ANK1: variants seen among roughly 807,000 people sequenced by gnomAD.
ANK1 encodes the protein ankyrin-1.
A neutral mutation model predicts 210.4 loss-of-function variants in ANK1; 51 were observed. The ratio of observed to expected loss-of-function variants is 0.24; its 90% CI spans 0.19 to 0.31. The LOEUF is 0.31. Among genes scored for constraint, ANK1 ranks in the 10% least tolerant of loss-of-function variants. The pLI is 1.00. For missense variants in ANK1, 2,051 were observed against 2,504.4 expected (o/e 0.82, Z 3.86); for synonymous variants, 967 against 1,025.9 (o/e 0.94, Z 1.10).
Position 41,693,937 on chromosome 8 carries a change from C to T in ANK1, c.3493G>A (p.Gly1165Arg). ...AGCAGGCGCAGGCTGGTGGTGTCTC[C>T]CTCCCCGCTGTCCCTCGGGTTGTCG... Reference protein sequence around the residue: ...WTDNPRDSGEGDTTSLRLLCS... With the variant: ...WTDNPRDSGERDTTSLRLLCS... The change falls in exon 29 of 43, where the codon GGA (glycine) becomes AGA (arginine). Residue 1165 changes from glycine to arginine, a missense_variant. Around this residue, in one of 6 missense-constraint regions of ANK1, gnomAD observed 1,413 missense variants for 1,707.4 expected, o/e 0.83. Transcript: ENST00000289734. The T allele has an allele frequency of 6.2e-7, 1 of 1,613,256 alleles. No individual in the cohort carries two copies. The highest frequency in any genetic ancestry group is 8.5e-7 in the Non-Finnish European group (1 of 1,179,766).
chr8:41,847,082 G>T (rs1297446531), intron 1 of ANK1, among the ~76,000 whole-genome samples: 3 of 152,188 alleles, frequency 2.0e-5, no homozygotes, highest in Non-Finnish European at 2.9e-5. Flanking sequence ...GATTTAGGCC[G>T]CAGAACAGAA....
intron 16 of ANK1, 91 bp downstream of exon 16, chr8:41,714,065 G>T: frequency 1.1e-6 from 1 of 921,010 alleles, no homozygotes; most frequent in Non-Finnish European, 1.5e-6. Flanking sequence ...CAAAACCCTT[G>T]GGCTGCTGTG....
intron 1 of ANK1, among the ~76,000 whole-genome samples, chr8:41,852,204 T>C (rs1811380521): frequency 6.6e-6 from 1 of 152,082 alleles, no homozygotes; most frequent in Non-Finnish European, 1.5e-5. Flanking sequence ...CGGCGATGCC[T>C]TGGGAAGGCA....
intron 1 of ANK1, among the ~76,000 whole-genome samples, chr8:41,819,117 C>T (rs544726249): frequency 6.6e-6 from 1 of 152,344 alleles, no homozygotes; most frequent in African/African-American, 2.4e-5. Context: ...ACTGTAAAAA[C>T]AGCAACCCTC....
Position 41,702,104 on chromosome 8 carries a change from T to A in ANK1, c.2336A>T (p.Tyr779Phe). 1.2e-6 allele frequency: 2 copies of A among 1,614,216 alleles called. No individual in the cohort carries two copies. Among genetic ancestry groups the A allele is most frequent in the African/African-American group, 1.3e-5 (1 of 75,066 alleles). ...TPLAIAKRLG[Y>F]ISVTDVLKVV... is the part of the protein sequence containing the mutation. ...CTTGAGCACGTCGGTGACAGAAATG[T>A]AGCCCAAGCGCTTGGCTATGGCCAG... Residue 779 changes from tyrosine (Y) to phenylalanine (F), a missense_variant, in exon 21 of 43, where the codon TAC becomes TTC. This residue lies in a region of ANK1 where 1,413 missense variants were observed against 1,707.4 expected (regional missense o/e 0.83). Coordinates refer to ENST00000289734, the MANE Select transcript of ANK1 (RefSeq NM_000037.4).
chr8:41,718,227 C>A (rs781751271), intron 10 of ANK1, 23 bp from the exon 11 acceptor site: 2 of 1,610,410 alleles, frequency 1.2e-6, no homozygotes, highest in Non-Finnish European at 1.7e-6. Flanking sequence ...CAAAGGGAGA[C>A]AGACAAGCAG....
intron 1 of ANK1, among the ~76,000 whole-genome samples, chr8:41,844,665 G>T (rs1421979893): frequency 6.6e-6 from 1 of 152,212 alleles, no homozygotes; most frequent in Non-Finnish European, 1.5e-5. Flanking sequence ...CTCTGAGTAC[G>T]GCTCTGCCTC....
intron 39 of ANK1, among the ~76,000 whole-genome samples, chr8:41,666,415 C>A (rs969779411): frequency 8.5e-5 from 13 of 152,214 alleles, no homozygotes; most frequent in African/African-American, 2.9e-4. Flanking sequence ...AAATGCCTCT[C>A]ACTCCACAAT....
At chr8:41,666,753 C>T (rs570270167) in intron 39 of ANK1, among the ~76,000 whole-genome samples, 3 of 152,256 alleles carry the variant, frequency 2.0e-5, no homozygotes, top group Non-Finnish European at 4.4e-5. Context: ...GCCCTCTGAT[C>T]GGCGTCTCCA....
Position 41,891,729 on chromosome 8 carries a change from G to A in ANK1, c.126+4626C>T, listed in dbSNP as rs753083642. 3.3e-5 allele frequency among the ~76,000 whole-genome samples: 5 copies of A among 152,180 alleles called. No individual in the cohort carries two copies. In the South Asian group the frequency reaches 6.2e-4, roughly 19 times the overall value. Reference sequence around the variant, plus strand: ...TCCCACATCTTCAGCCCCTGCCGGCGCCTCCCAGAGCTCCAGAGAGGCAGG... The same window carrying A: ...TCCCACATCTTCAGCCCCTGCCGGCACCTCCCAGAGCTCCAGAGAGGCAGG... On this transcript the variant is annotated intron_variant, in intron 1 of 42. Transcript: ENST00000265709.
chr8:41,891,607 A>C lies in ANK1; in HGVS notation c.126+4748T>G, dbSNP rs1819474275. Among the ~76,000 whole-genome samples, 2 of 152,228 alleles carry C rather than the reference A, an allele frequency of 1.3e-5. 1 individual carries two copies. Among genetic ancestry groups the C allele is most frequent in the African/African-American group, 4.8e-5 (2 of 41,458 alleles). ...TGGTCTAGCCTATGGCTGGGAAGTG[A>C]GGAGAGATCCTGGGAACAGCCCCCA... On this transcript the variant is annotated intron_variant, in intron 1 of 42. Transcript: ENST00000265709.
At position 41,725,907 on chromosome 8, in the gene ANK1, G is replaced by T; in HGVS notation, c.466C>A (p.His156Asn). Reference protein sequence around the residue: ...TPLAVALQQGHENVVAHLINY... With the variant: ...TPLAVALQQGNENVVAHLINY... ...ATGAGGTGCGCGACGACGTTCTCATGGCCCTGCTGCAGGGCTACCGCCAGA... is the reference window on the plus strand; with the variant it reads ...ATGAGGTGCGCGACGACGTTCTCATTGCCCTGCTGCAGGGCTACCGCCAGA... Residue 156 changes from histidine (H) to asparagine (N), a missense_variant, in exon 6 of 43, where the codon CAT (histidine) becomes AAT (asparagine). By Grantham distance (68) the His-to-Asn change is moderately conservative. This residue lies in a region of ANK1 where 1,413 missense variants were observed against 1,707.4 expected (regional missense o/e 0.83). Transcript: ENST00000289734. 1 of 1,613,668 alleles carries T rather than the reference G, an allele frequency of 6.2e-7. No homozygotes were observed. The highest frequency in any genetic ancestry group is 8.5e-7 in the Non-Finnish European group (1 of 1,179,974).
At position 41,692,939 on chromosome 8, in the gene ANK1, A is replaced by C. The variant is rs1819687619; in HGVS notation, c.3630-63T>G. On this transcript the variant is annotated intron_variant, in intron 30 of 42. Transcript: ENST00000289734. ...AACAGAGAGCATCCTTTCCATCCAG[A>C]CGGGAGCAGCCCGTGAGCCATACCA... The C allele has an allele frequency of 1.4e-5, 22 of 1,566,014 alleles. No homozygotes were observed. In the South Asian group the frequency reaches 2.3e-4, roughly 17 times the overall value.
At chr8:41,709,322 T>C (rs1019278659) in intron 16 of ANK1, among the ~76,000 whole-genome samples, 1 of 152,224 alleles carries the variant, frequency 6.6e-6, no homozygotes, top group African/African-American at 2.4e-5. Context: ...AAACCCCAAA[T>C]ATTTCATAAA....
intron 39 of ANK1, 39 bp downstream of exon 39, chr8:41,668,228 G>T (rs1811167733): frequency 6.2e-7 from 1 of 1,613,718 alleles, no homozygotes; most frequent in South Asian, 1.1e-5. Context: ...TCCGATGCTG[G>T]GAAGGAACAG....
At chr8:41,837,802 CA>C (rs1056232786) in intron 1 of ANK1, among the ~76,000 whole-genome samples, 6 of 152,008 alleles carry the variant, frequency 3.9e-5, no homozygotes, top group Admixed American at 1.3e-4. Context: ...ACCCAGGAGG[CA>C]GAGGTTGCAG....
intron 37 of ANK1, 170 bp downstream of exon 37, chr8:41,684,374 G>A (rs1454572037): frequency 9.0e-6 from 10 of 1,107,470 alleles, no homozygotes; most frequent in South Asian, 3.9e-5. Context: ...TCTCTCCTTC[G>A]CCTCTGCTTC....
intron 1 of ANK1, among the ~76,000 whole-genome samples, chr8:41,863,045 A>AT (rs1156439936): frequency 6.7e-6 from 1 of 150,312 alleles, no homozygotes; most frequent in African/African-American, 2.5e-5. Flanking sequence ...GACATAAAGA[A>AT]TTTTTTTGCA....
At chr8:41,761,125 A>C (rs1031973811) in intron 1 of ANK1, among the ~76,000 whole-genome samples, 1 of 79,588 alleles carries the variant, frequency 1.3e-5, no homozygotes, top group Admixed American at 1.2e-4. Context: ...ACACACATGC[A>C]CACACACACA....
Sources: gnomAD v4.1 joint callset for allele counts (sites outside exome capture counted in the v4.1 genomes callset) on GRCh38, gnomAD v4.1.1 for gene constraint, gnomAD v4.1.1 regional missense constraint, MANE v1.5 for transcripts, NCBI Gene and HGNC (gene_info 2026-07-23, HGNC 2026-07-21) for gene names.